KIF16B: variants seen among roughly 807,000 people sequenced by gnomAD.
The protein encoded by KIF16B is kinesin-like protein KIF16B.
A neutral mutation model predicts 156.3 loss-of-function variants in KIF16B; 98 were observed. The ratio of observed to expected loss-of-function variants is 0.63; its 90% CI spans 0.53 to 0.74. The LOEUF is 0.74. Ranked by LOEUF, KIF16B falls within the 30% of genes least tolerant of loss-of-function variation. KIF16B has a pLI of 0.00. For missense variants in KIF16B, 1,421 were observed against 1,606.5 expected, an observed-to-expected ratio of 0.88 and a Z score of 1.97; for synonymous variants, 564 against 583.7, an observed-to-expected ratio of 0.97 and a Z score of 0.49.
At chr20:16,501,251 A>G (rs1016994034) in intron 10 of KIF16B, among the ~76,000 whole-genome samples, 19 of 131,574 alleles carry the variant, frequency 1.4e-4, no homozygotes, top group African/African-American at 5.7e-4. Flanking sequence ...TGGCACAACT[A>G]CTTTTATACA....
In KIF16B at chr20:16,379,790, C is replaced by T. The variant is rs143610596; in HGVS notation, c.2212G>A (p.Asp738Asn). The change falls in exon 19 of 26, where the codon GAT becomes AAT. Residue 738 changes from aspartate to asparagine, a missense_variant. Physicochemically the swap from Asp to Asn is conservative, Grantham distance 23 (BLOSUM62 1). Coordinates refer to ENST00000354981, the MANE Select transcript of KIF16B (RefSeq NM_024704.5). The part of the protein sequence containing the change: ...QELDQLQKEK[D>N]EQYAKLELEK... ...AGTTCAAGCTTGGCATACTGTTCAT[C>T]TTTTTCCTTTTGGAGCTGGTCCAGT... 1.2e-6 allele frequency: 2 copies of T among 1,614,064 alleles called. No individual in the cohort carries two copies. The highest frequency in any genetic ancestry group is 1.7e-6 in the Non-Finnish European group (2 of 1,180,056).
chr20:16,326,278 CAA>C (rs577461337), intron 24 of KIF16B, among the ~76,000 whole-genome samples: 1 of 139,310 alleles, frequency 7.2e-6, no homozygotes. Context: ...GCAAATGCAA[CAA>C]AAAAAAAAAG....
intron 1 of KIF16B, among the ~76,000 whole-genome samples, chr20:16,558,776 C>T (rs943430183): frequency 6.6e-6 from 1 of 151,874 alleles, no homozygotes; most frequent in Non-Finnish European, 1.5e-5. Flanking sequence ...CGGTGGTAGG[C>T]GCCTGTAATC....
chr20:16,513,659 T>TAAAAC, intron 4 of KIF16B, among the ~76,000 whole-genome samples: 1 of 112,700 alleles, frequency 8.9e-6, no homozygotes, highest in South Asian at 3.2e-4. Context: ...AAACTACGTT[T>TAAAAC]AAAAAAAAAA....
chr20:16,547,428 C>T (rs1175121659), intron 1 of KIF16B, among the ~76,000 whole-genome samples: 2 of 152,232 alleles, frequency 1.3e-5, no homozygotes, highest in Non-Finnish European at 2.9e-5. Flanking sequence ...AGAGACCTGA[C>T]TTTGGTAAGT....
chr20:16,519,662 C>G (rs999476761), intron 3 of KIF16B, among the ~76,000 whole-genome samples: 6 of 152,230 alleles, frequency 3.9e-5, no homozygotes, highest in African/African-American at 1.4e-4. Context: ...CCAGGCGGTA[C>G]TGATGATTCT....
chr20:16,414,264 T>C (rs1051630831), intron 15 of KIF16B, among the ~76,000 whole-genome samples: 2 of 151,986 alleles, frequency 1.3e-5, no homozygotes, highest in Non-Finnish European at 2.9e-5. Flanking sequence ...ACATAAATAC[T>C]AAACAAATTC....
rs36019156 is a variant in KIF16B at position 16,411,929 on chromosome 20, CGTGTGTGTGTGT to C, written c.1613-5485_1613-5474del. Among the ~76,000 whole-genome samples the C allele has an allele frequency of 9.8e-3, 1,315 of 134,100 alleles. 8 individuals carry two copies. Among genetic ancestry groups the C allele is most frequent in the Middle Eastern group, 0.049 (13 of 264 alleles). 88.0% of individuals were successfully genotyped at this position (134,100 alleles called of 152,430 possible). The stretch of plus-strand genomic sequence containing the variant: ...CGGATTTCTGATGAGGAATGTTCAA[CGTGTGTGTGTGT>C]GTGTGTGTGTGTGTGTGTGTGTGTG... On this transcript the variant is annotated intron_variant, in intron 15 of 25. Coordinates refer to ENST00000354981, the MANE Select transcript of KIF16B (RefSeq NM_024704.5).
At chr20:16,537,923 C>T (rs1223447727) in intron 1 of KIF16B, among the ~76,000 whole-genome samples, 5 of 151,888 alleles carry the variant, frequency 3.3e-5, no homozygotes, top group African/African-American at 2.4e-5. Flanking sequence ...AGGCTGGTCT[C>T]GAACTCCTGG....
At chr20:16,414,743 G>C (rs2066044235) in intron 15 of KIF16B, among the ~76,000 whole-genome samples, 1 of 152,086 alleles carries the variant, frequency 6.6e-6, no homozygotes, top group Non-Finnish European at 1.5e-5. Context: ...AGCAGGGAGA[G>C]GGGGTGGTAA....
chr20:16,464,085 A>G (rs2067421786), intron 12 of KIF16B, among the ~76,000 whole-genome samples: 1 of 152,184 alleles, frequency 6.6e-6, no homozygotes. Context: ...CATTTCTAAT[A>G]ACATTTTTAA....
At chr20:16,281,415 T>A (rs1402761829) in intron 25 of KIF16B, among the ~76,000 whole-genome samples, 6 of 152,126 alleles carry the variant, frequency 3.9e-5, no homozygotes, top group Admixed American at 1.3e-4. Context: ...CAGGCCTGAA[T>A]GGAGCTACTC....
chr20:16,277,434 T>C (rs2063078801), intron 25 of KIF16B, among the ~76,000 whole-genome samples: 1 of 148,452 alleles, frequency 6.7e-6, no homozygotes, highest in Non-Finnish European at 1.5e-5. Flanking sequence ...CCAATGTACT[T>C]GAACTCTGCT....
intron 1 of KIF16B, among the ~76,000 whole-genome samples, chr20:16,544,892 T>C (rs1027666422): frequency 4.6e-5 from 7 of 152,138 alleles, no homozygotes; most frequent in African/African-American, 9.7e-5. Flanking sequence ...TATAAGCACA[T>C]GAAAGATCAA....
At chr20:16,396,541 T>G (rs2065506455) in intron 17 of KIF16B, among the ~76,000 whole-genome samples, 1 of 151,556 alleles carries the variant, frequency 6.6e-6, no homozygotes. Flanking sequence ...TATATAAATG[T>G]GTGTGTACAT....
chr20:16,308,530 G>A (rs1259981559), intron 25 of KIF16B, among the ~76,000 whole-genome samples: 1 of 152,200 alleles, frequency 6.6e-6, no homozygotes, highest in African/African-American at 2.4e-5. Flanking sequence ...AGACAACTGA[G>A]TATGAACTGT....
intron 6 of KIF16B, among the ~76,000 whole-genome samples, chr20:16,511,177 G>A (rs1291340205): frequency 6.6e-6 from 1 of 152,170 alleles, no homozygotes; most frequent in Non-Finnish European, 1.5e-5. Context: ...GAAAATTCCA[G>A]AGATTTCTTA....
intron 24 of KIF16B, among the ~76,000 whole-genome samples, chr20:16,321,870 GA>G (rs2063777499): frequency 6.6e-6 from 1 of 152,162 alleles, no homozygotes; most frequent in South Asian, 2.1e-4. Flanking sequence ...AGTGGGAAAT[GA>G]TGCAAAGATA....
At chr20:16,422,387 T>C (rs79754200) in intron 15 of KIF16B, among the ~76,000 whole-genome samples, 7,007 of 152,130 alleles carry the variant, frequency 0.046, 543 homozygotes, top group African/African-American at 0.16. Context: ...TCTCAGCAAA[T>C]CCACAAGAGA....
Sources: gnomAD v4.1 joint callset for allele counts (sites outside exome capture counted in the v4.1 genomes callset) on GRCh38, gnomAD v4.1.1 for gene constraint, MANE v1.5 for transcripts, NCBI Gene and HGNC (gene_info 2026-07-23, HGNC 2026-07-21) for gene names.